Variants in CCNJL observed in about 807,000 individuals in gnomAD.
CCNJL encodes the protein cyclin J like, also known as cyclin-J-like protein.
CCNJL carries 33 observed loss-of-function variants against 33.4 expected under a neutral mutation model. The observed-to-expected ratio is 0.99, with a 90% CI of 0.75 to 1.32. The LOEUF is 1.32. Among genes scored for constraint, CCNJL ranks in the 40% most tolerant of loss-of-function variants. The pLI is 0.00. For missense variants in CCNJL, 512 were observed against 499.7 expected (o/e 1.02, Z -0.23); for synonymous variants, 227 against 220.9 (o/e 1.03, Z -0.24).
intron 3 of CCNJL, among the ~76,000 whole-genome samples, chr5:160,279,850 G>A (rs544574971): frequency 1.3e-5 from 2 of 152,220 alleles, no homozygotes; most frequent in African/African-American, 4.8e-5. Flanking sequence ...ATGATGTTAA[G>A]TGGAAGGGTG....
chr5:160,306,015 T>C (rs1444856311), intron 2 of CCNJL, among the ~76,000 whole-genome samples: 1 of 152,218 alleles, frequency 6.6e-6, no homozygotes, highest in Admixed American at 6.5e-5. Context: ...GGCTCACGCC[T>C]GTGATCCCAG....
At chr5:160,271,386 T>C (rs992235665) in intron 3 of CCNJL, among the ~76,000 whole-genome samples, 2 of 152,112 alleles carry the variant, frequency 1.3e-5, no homozygotes, top group African/African-American at 4.8e-5. Context: ...AAAAAAGCCA[T>C]GCAGAGCCCG....
At chr5:160,299,145 AT>A (rs1400430223) in intron 2 of CCNJL, among the ~76,000 whole-genome samples, 1 of 148,296 alleles carries the variant, frequency 6.7e-6, no homozygotes, top group Non-Finnish European at 1.5e-5. Flanking sequence ...TGCCTAGCTA[AT>A]TTAAAAAAAA....
At chr5:160,321,717 AG>A (rs1763467656) in intron 1 of CCNJL, among the ~76,000 whole-genome samples, 1 of 152,106 alleles carries the variant, frequency 6.6e-6, no homozygotes, top group South Asian at 2.1e-4. Flanking sequence ...AGAGGCAGGT[AG>A]ATCAGTAGTT....
intron 2 of CCNJL, among the ~76,000 whole-genome samples, chr5:160,298,966 T>G (rs1380781897): frequency 6.6e-6 from 1 of 152,052 alleles, no homozygotes; most frequent in Non-Finnish European, 1.5e-5. Context: ...AACACTTACG[T>G]ATTTTATATT....
At chr5:160,322,659 G>GCCT (rs1450611470) in intron 1 of CCNJL, among the ~76,000 whole-genome samples, 2 of 152,168 alleles carry the variant, frequency 1.3e-5, no homozygotes, top group African/African-American at 2.4e-5. Context: ...TGTAATCCCA[G>GCCT]CACTTTGGGA....
chr5:160,291,576 T>C lies in CCNJL; in HGVS notation c.67-10838A>G, dbSNP rs114236808. ...GGAAAAGGTGCCTGAGGGTGCCAGC[T>C]ACGGGGCACCTGGTATGCCAGCGAA... is the stretch of plus-strand genomic sequence containing the variant. On this transcript the variant is annotated intron_variant, in intron 2 of 5. Coordinates refer to ENST00000257536, the MANE Select transcript of CCNJL (RefSeq NM_001308173.3). Among the ~76,000 whole-genome samples, 430 of 152,324 alleles carry C rather than the reference T, an allele frequency of 2.8e-3. 2 individuals carry two copies. Among genetic ancestry groups the C allele is most frequent in the African/African-American group, 0.01 (416 of 41,568 alleles).
In CCNJL at chr5:160,311,967, C is replaced by G; in HGVS notation, c.-44G>C. 6.3e-7 allele frequency: 1 copy of G among 1,590,272 alleles called. No individual in the cohort carries two copies. The highest frequency in any genetic ancestry group is 1.3e-5 in the African/African-American group (1 of 74,580). On this transcript the variant is annotated 5_prime_UTR_variant, in exon 2 of 6. Coordinates refer to ENST00000257536, the MANE Select transcript of CCNJL (RefSeq NM_001308173.3). ...ATCCGAGGCTACCCGGCTCTCAGGGCGCACCCTGCGTGGACACGGGCAACT... is the reference window on the plus strand; with the variant it reads ...ATCCGAGGCTACCCGGCTCTCAGGGGGCACCCTGCGTGGACACGGGCAACT...
chr5:160,294,048 G>A (rs1006321442), intron 2 of CCNJL, among the ~76,000 whole-genome samples: 4 of 152,226 alleles, frequency 2.6e-5, no homozygotes, highest in East Asian at 1.9e-4. Flanking sequence ...ACAAAGAACC[G>A]CAGAGAGGTG....
chr5:160,253,278 G>GGGAT lies in CCNJL; in HGVS notation c.*96_*99dup, dbSNP rs1207844974. 1 of 1,213,724 alleles carries GGGAT rather than the reference G, an allele frequency of 8.2e-7. No homozygotes were observed. Among genetic ancestry groups the GGGAT allele is most frequent in the African/African-American group, 1.5e-5 (1 of 65,866 alleles). 75.2% of individuals were successfully genotyped at this position (1,213,724 alleles called of 1,614,324 possible). A position where few individuals can be genotyped will look rare whatever the true frequency, so the allele number is the denominator to read the frequency against. On this transcript the variant is annotated 3_prime_UTR_variant, in exon 6 of 6. Transcript: ENST00000257536. Reference sequence around the variant, plus strand: ...ACCCTCCACGTTCCAAGGCTCTTCAGGGATGGCCTCCTGCTGCCTCACTTG... The same window carrying GGGAT: ...ACCCTCCACGTTCCAAGGCTCTTCAGGGATGGATGGCCTCCTGCTGCCTCACTTG...
chr5:160,303,687 A>T (rs559372118), intron 2 of CCNJL, among the ~76,000 whole-genome samples: 1 of 142,270 alleles, frequency 7.0e-6, no homozygotes, highest in African/African-American at 2.6e-5. Context: ...TCTTAAACAA[A>T]TCCTCTGTGT....
chr5:160,312,018 TC>T (rs1418400677), intron 1 of CCNJL, 46 bp from the exon 2 acceptor site: 1 of 1,251,322 alleles, frequency 8.0e-7, no homozygotes, highest in Non-Finnish European at 1.2e-6. Flanking sequence ...TACCCCGGGC[TC>T]CGACCCCCGG....
At position 160,253,745 on chromosome 5, in the gene CCNJL, G is replaced by A; in HGVS notation, c.797C>T (p.Ala266Val). Residue 266 changes from alanine to valine, a missense_variant, in exon 6 of 6, where the codon GCA becomes GTA. Physicochemically the swap from Ala to Val is moderately conservative, Grantham distance 64 (BLOSUM62 0). Coordinates refer to ENST00000257536, the MANE Select transcript of CCNJL (RefSeq NM_001308173.3). ...DAVAVKSQAL[A>V]MVPGTPPTPT... ...GGTGGGGGGTGTGCCGGGCACCATTGCCAAGGCCTGGCTCTTGACGGCTAC... is the reference window on the plus strand; with the variant it reads ...GGTGGGGGGTGTGCCGGGCACCATTACCAAGGCCTGGCTCTTGACGGCTAC... 6.4e-7 allele frequency: 1 copy of A among 1,555,734 alleles called. No individual in the cohort carries two copies. The highest frequency in any genetic ancestry group is 1.2e-5 in the South Asian group (1 of 83,396).
At chr5:160,328,581 A>T (rs947944579) in intron 1 of CCNJL, among the ~76,000 whole-genome samples, 6 of 150,788 alleles carry the variant, frequency 4.0e-5, no homozygotes, top group Non-Finnish European at 8.9e-5. Flanking sequence ...ACACAGCAAG[A>T]TACTGTCTCT....
chr5:160,317,677 A>G (rs1763394991), upstream of CCNJL, among the ~76,000 whole-genome samples: 1 of 152,140 alleles, frequency 6.6e-6, no homozygotes, highest in Non-Finnish European at 1.5e-5. Context: ...TTTCTATTTG[A>G]ACTAGAACTT....
chr5:160,338,955 A>G (rs10475683), intron 1 of CCNJL, among the ~76,000 whole-genome samples: 71,141 of 151,718 alleles, frequency 0.47, 17,044 homozygotes, highest in Middle Eastern at 0.54. Context: ...CATGCCCGGC[A>G]AATTTTTGTA....
Position 160,325,767 on chromosome 5 carries a change from A to G in CCNJL, n.207-10262T>C, listed in dbSNP as rs181269594. Among the ~76,000 whole-genome samples the G allele has an allele frequency of 1.4e-4, 21 of 152,318 alleles. No individual in the cohort carries two copies. In the East Asian group the frequency reaches 3.9e-3, roughly 28 times the overall value. ...ATCCTGATTTTCATCTTCTCTTGAAAGGTCAGAAGATCTAGCTTACATCCT... is the reference window on the plus strand; with the variant it reads ...ATCCTGATTTTCATCTTCTCTTGAAGGGTCAGAAGATCTAGCTTACATCCT... On this transcript the variant is annotated intron_variant and non_coding_transcript_variant, in intron 1 of 7. Transcript: ENST00000377503.
intron 4 of CCNJL, among the ~76,000 whole-genome samples, chr5:160,256,567 C>A (rs1303884997): frequency 6.6e-6 from 1 of 152,218 alleles, no homozygotes; most frequent in Non-Finnish European, 1.5e-5. Flanking sequence ...GTTGAAATTT[C>A]TGCAGTTTTC....
chr5:160,299,836 ATT>A lies in CCNJL; in HGVS notation c.66+12020_66+12021del, dbSNP rs5872638. The stretch of plus-strand genomic sequence containing the variant: ...GTCGGAAGTGCTCTGAATTGCTTGG[ATT>A]TTTTTTTTTTTTTTACAATAATCAG... On this transcript the variant is annotated intron_variant, in intron 2 of 5. Transcript: ENST00000257536. 3.3e-3 allele frequency among the ~76,000 whole-genome samples: 479 copies of A among 144,420 alleles called. 6 individuals are homozygous for A. The highest frequency in any genetic ancestry group is 0.01 in the East Asian group (50 of 4,920). The allele number at this position is 144,420 out of a possible 152,430, so 94.7% of individuals were successfully genotyped here. A position where few individuals can be genotyped will look rare whatever the true frequency, so the allele number is the denominator to read the frequency against.
Sources: allele counts gnomAD v4.1 joint callset (sites outside exome capture counted in the v4.1 genomes callset), GRCh38; gene constraint gnomAD v4.1.1; transcripts MANE v1.5; gene names NCBI Gene and HGNC (gene_info 2026-07-23, HGNC 2026-07-21).